Variants in ITGBL1 observed in about 807,000 individuals in gnomAD.
ITGBL1 encodes integrin beta-like protein 1.
ITGBL1 carries 51 observed loss-of-function variants against 68.5 expected under a neutral mutation model. The ratio of observed to expected loss-of-function variants is 0.74; its 90% CI spans 0.59 to 0.94. ITGBL1 has a LOEUF of 0.94. Ranked by LOEUF, ITGBL1 falls within the 40% of genes least tolerant of loss-of-function variation. The pLI, the probability that ITGBL1 is intolerant of heterozygous loss-of-function variation, is 0.00. For synonymous variants in ITGBL1, 209 were observed against 227.3 expected (o/e 0.92, Z 0.72); for missense variants, 649 against 647.4 (o/e 1.00, Z -0.03).
chr13:101,545,010 G>A (rs552273840), intron 2 of ITGBL1, among the ~76,000 whole-genome samples: 4 of 152,328 alleles, frequency 2.6e-5, no homozygotes, highest in Admixed American at 6.5e-5. Flanking sequence ...CGGGTGAGGC[G>A]ATTCCTCACC....
chr13:101,714,731 AGG>A (rs1047752431), intron 10 of ITGBL1, 180 bp downstream of exon 10: 23 of 582,418 alleles, frequency 3.9e-5, no homozygotes, highest in Non-Finnish European at 6.4e-5. Context: ...CATTATTCCT[AGG>A]CATAGAAGAA....
chr13:101,639,587 T>G (rs2032294252), intron 7 of ITGBL1, among the ~76,000 whole-genome samples: 1 of 152,184 alleles, frequency 6.6e-6, no homozygotes, highest in Admixed American at 6.5e-5. Context: ...TTGAATAGAC[T>G]CAGATTTCAA....
At chr13:101,476,113 A>G (rs1345422462) in intron 2 of ITGBL1, among the ~76,000 whole-genome samples, 1 of 152,198 alleles carries the variant, frequency 6.6e-6, no homozygotes, top group African/African-American at 2.4e-5. Context: ...CTAAAAGATG[A>G]ACCTATCAAA....
chr13:101,651,626 T>G (rs571675471), intron 7 of ITGBL1, among the ~76,000 whole-genome samples: 8 of 152,320 alleles, frequency 5.3e-5, no homozygotes, highest in African/African-American at 1.4e-4. Context: ...AGGTTGTGTG[T>G]TCACTCTGAT....
At chr13:101,482,665 T>G (rs765433398) in intron 2 of ITGBL1, among the ~76,000 whole-genome samples, 1 of 152,090 alleles carries the variant, frequency 6.6e-6, no homozygotes, top group Non-Finnish European at 1.5e-5. Context: ...AGTGAAGTAA[T>G]TTAGGTTAAT....
chr13:101,526,155 C>CTTCTTCTTTT (rs368448615), intron 2 of ITGBL1, among the ~76,000 whole-genome samples: 1 of 136,550 alleles, frequency 7.3e-6, no homozygotes, highest in Non-Finnish European at 1.6e-5. Flanking sequence ...TCTTCTTCTT[C>CTTCTTCTTTT]TTTTTTTTTT....
intron 6 of ITGBL1, among the ~76,000 whole-genome samples, chr13:101,587,267 C>A (rs2139298917): frequency 6.6e-6 from 1 of 152,276 alleles, no homozygotes; most frequent in Non-Finnish European, 1.5e-5. Context: ...AACATGGTCC[C>A]TGCACCCACC....
intron 7 of ITGBL1, among the ~76,000 whole-genome samples, chr13:101,636,196 T>C (rs777487567): frequency 3.3e-5 from 5 of 152,106 alleles, no homozygotes; most frequent in Admixed American, 6.5e-5. Context: ...CAATTCAGAA[T>C]AGAAGAGTGT....
At chr13:101,525,304 AT>A (rs1164225436) in intron 2 of ITGBL1, among the ~76,000 whole-genome samples, 1 of 152,144 alleles carries the variant, frequency 6.6e-6, no homozygotes. Flanking sequence ...TCATTCAAGC[AT>A]TGTTCACAAA....
At chr13:101,631,176 G>A (rs2031965807) in intron 7 of ITGBL1, among the ~76,000 whole-genome samples, 1 of 152,100 alleles carries the variant, frequency 6.6e-6, no homozygotes, top group South Asian at 2.1e-4. Flanking sequence ...ACACCTTACA[G>A]AGCTACTGTT....
chr13:101,466,004 C>G (rs1407848691), intron 2 of ITGBL1, among the ~76,000 whole-genome samples: 1 of 151,916 alleles, frequency 6.6e-6, no homozygotes, highest in Non-Finnish European at 1.5e-5. Flanking sequence ...GACAAGCCAA[C>G]CAAAATGAAG....
intron 4 of ITGBL1, 39 bp downstream of exon 4, chr13:101,575,585 T>C (rs2050345810): frequency 6.3e-7 from 1 of 1,591,766 alleles, no homozygotes; most frequent in Middle Eastern, 1.7e-4. Flanking sequence ...TAAAAGTACC[T>C]GTTTTTTTCA....
intron 2 of ITGBL1, among the ~76,000 whole-genome samples, chr13:101,525,944 G>C (rs575583816): frequency 6.6e-6 from 1 of 151,592 alleles, no homozygotes; most frequent in East Asian, 1.9e-4. Flanking sequence ...CATAAATTTT[G>C]CATTTTCATA....
chr13:101,499,721 C>T (rs1419354350), intron 2 of ITGBL1, among the ~76,000 whole-genome samples: 1 of 152,168 alleles, frequency 6.6e-6, no homozygotes, highest in African/African-American at 2.4e-5. Context: ...CAGATATCCC[C>T]ATAGGAATCT....
intron 7 of ITGBL1, among the ~76,000 whole-genome samples, chr13:101,599,123 C>T (rs1269087373): frequency 1.3e-5 from 2 of 152,000 alleles, no homozygotes; most frequent in Admixed American, 6.6e-5. Flanking sequence ...TTAATGATTG[C>T]CATTCTAACT....
At chr13:101,558,110 A>G (rs1191908710) in intron 2 of ITGBL1, among the ~76,000 whole-genome samples, 2 of 136,816 alleles carry the variant, frequency 1.5e-5, no homozygotes, top group South Asian at 2.4e-4. Flanking sequence ...AAAAAAAAAA[A>G]AAAAAAGCCT....
At chr13:101,656,067 C>T (rs768648920) in intron 7 of ITGBL1, among the ~76,000 whole-genome samples, 3 of 152,038 alleles carry the variant, frequency 2.0e-5, no homozygotes, top group Non-Finnish European at 4.4e-5. Context: ...GGGAGGGGGG[C>T]TTCCTCGCTA....
At chr13:101,650,325 T>C (rs1168186615) in intron 7 of ITGBL1, among the ~76,000 whole-genome samples, 1 of 152,216 alleles carries the variant, frequency 6.6e-6, no homozygotes, top group Non-Finnish European at 1.5e-5. Flanking sequence ...AATGTGTTTA[T>C]AAGGAGATGA....
At chr13:101,697,884 T>A (rs2034039520) in intron 8 of ITGBL1, among the ~76,000 whole-genome samples, 1 of 152,212 alleles carries the variant, frequency 6.6e-6, no homozygotes, top group East Asian at 1.9e-4. Context: ...CTCAGGTATC[T>A]GGAAGCACTA....
Sources: gnomAD v4.1 joint callset for allele counts (sites outside exome capture counted in the v4.1 genomes callset) on GRCh38, gnomAD v4.1.1 for gene constraint, MANE v1.5 for transcripts, NCBI Gene and HGNC (gene_info 2026-07-23, HGNC 2026-07-21) for gene names.